ARNT2: variants seen among roughly 807,000 people sequenced by gnomAD.
ARNT2 encodes aryl hydrocarbon receptor nuclear translocator 2.
ARNT2 carries 36 observed loss-of-function variants against 91.7 expected under a neutral mutation model. The ratio of observed to expected loss-of-function variants is 0.39; its 90% CI spans 0.30 to 0.52. The LOEUF (loss-of-function observed/expected upper bound fraction) is 0.52, where lower values mean the gene tolerates loss of function less well. Among genes scored for constraint, ARNT2 ranks in the 20% least tolerant of loss-of-function variants. The pLI is 0.72. For synonymous variants in ARNT2, 365 were observed against 347.1 expected (o/e 1.05, Z -0.57); for missense variants, 775 against 939.3 (o/e 0.83, Z 2.29).
intron 1 of ARNT2, among the ~76,000 whole-genome samples, chr15:80,415,081 C>G (rs1895759033): frequency 6.6e-6 from 1 of 152,198 alleles, no homozygotes; most frequent in African/African-American, 2.4e-5. Flanking sequence ...GAAGACTGTT[C>G]CGGTATTCAA....
chr15:80,533,522 G>A (rs937967763), intron 8 of ARNT2, among the ~76,000 whole-genome samples: 4 of 152,204 alleles, frequency 2.6e-5, no homozygotes, highest in African/African-American at 9.7e-5. Flanking sequence ...CAGATGGACT[G>A]CAACATGGCC....
intron 5 of ARNT2, among the ~76,000 whole-genome samples, chr15:80,487,014 A>AGCTACCCTAG (rs1896986312): frequency 6.6e-6 from 1 of 152,146 alleles, no homozygotes; most frequent in South Asian, 2.1e-4. Flanking sequence ...AGTAGGCTGA[A>AGCTACCCTAG]GCTACCCTAG....
intron 1 of ARNT2, among the ~76,000 whole-genome samples, chr15:80,427,608 A>G (rs988629308): frequency 6.6e-6 from 1 of 152,190 alleles, no homozygotes; most frequent in African/African-American, 2.4e-5. Context: ...ATCTCTAGGT[A>G]CACCTATGCC....
At chr15:80,534,951 C>T (rs1049071874) in intron 8 of ARNT2, among the ~76,000 whole-genome samples, 10 of 152,150 alleles carry the variant, frequency 6.6e-5, no homozygotes, top group African/African-American at 2.2e-4. Context: ...ACAGGAGAGA[C>T]AAGATTTAGT....
chr15:80,458,255 T>C (rs1896506645), intron 3 of ARNT2, among the ~76,000 whole-genome samples: 1 of 152,122 alleles, frequency 6.6e-6, no homozygotes, highest in Non-Finnish European at 1.5e-5. Flanking sequence ...AAAAAGACAA[T>C]AGGGCTTTTT....
intron 1 of ARNT2, among the ~76,000 whole-genome samples, chr15:80,407,905 G>C (rs573061709): frequency 6.6e-6 from 1 of 152,308 alleles, no homozygotes; most frequent in Non-Finnish European, 1.5e-5. Context: ...TTAAGCATGA[G>C]GGAATCAGCT....
chr15:80,439,157 T>C (rs1213357114), intron 1 of ARNT2, among the ~76,000 whole-genome samples: 2 of 152,178 alleles, frequency 1.3e-5, no homozygotes, highest in Non-Finnish European at 2.9e-5. Context: ...AAATACATCA[T>C]ACATACAAGG....
intron 8 of ARNT2, among the ~76,000 whole-genome samples, chr15:80,532,842 G>A (rs1469804207): frequency 1.3e-5 from 2 of 152,220 alleles, no homozygotes; most frequent in Non-Finnish European, 1.5e-5. Context: ...GTTGACCAGT[G>A]GGAGACCTTT....
At chr15:80,513,667 G>C (rs1897378484) in intron 6 of ARNT2, among the ~76,000 whole-genome samples, 1 of 130,380 alleles carries the variant, frequency 7.7e-6, no homozygotes, top group African/African-American at 3.0e-5. Context: ...ACTGGGCCCT[G>C]AAACAATTTC....
chr15:80,473,120 A>C (rs889853481), intron 4 of ARNT2, among the ~76,000 whole-genome samples: 12 of 152,210 alleles, frequency 7.9e-5, no homozygotes, highest in Non-Finnish European at 2.9e-5. Context: ...GCAAGAGCTC[A>C]CTGAAAAACA....
intron 5 of ARNT2, among the ~76,000 whole-genome samples, chr15:80,480,312 C>T (rs1896866524): frequency 6.6e-6 from 1 of 152,108 alleles, no homozygotes; most frequent in Non-Finnish European, 1.5e-5. Context: ...GTTCAGAGAG[C>T]AAGCAGGGAG....
At chr15:80,442,776 A>G (rs1397135359) in intron 1 of ARNT2, 1 of 913,400 alleles carries the variant, frequency 1.1e-6, no homozygotes, top group Admixed American at 6.2e-5. Context: ...GTAGTTGTAA[A>G]TATGCAACTG....
At chr15:80,441,708 G>T (rs1020099715) in intron 1 of ARNT2, among the ~76,000 whole-genome samples, 1 of 152,036 alleles carries the variant, frequency 6.6e-6, no homozygotes, top group Non-Finnish European at 1.5e-5. Flanking sequence ...CAAGTTCCAC[G>T]TTTTTTCCAG....
intron 1 of ARNT2, among the ~76,000 whole-genome samples, chr15:80,446,523 C>T (rs1385501463): frequency 6.6e-6 from 1 of 152,190 alleles, no homozygotes; most frequent in Non-Finnish European, 1.5e-5. Context: ...GAAGGATCTG[C>T]CTAGCCACCT....
Position 80,577,117 on chromosome 15 carries a change from G to C in ARNT2, c.1613+152G>C, listed in dbSNP as rs181713835. ...CTAAACTGAGGATTCTGGTGGCTCT[G>C]CTTCTGCTCTGTGAGCCCTCTATGA... On this transcript the variant is annotated intron_variant, in intron 15 of 18. Transcript: ENST00000303329. 30 of 719,616 alleles carry C rather than the reference G, an allele frequency of 4.2e-5. No individual in the cohort carries two copies. In the Admixed American group the frequency reaches 7.7e-4, roughly 18 times the overall value. The allele number at this position is 719,616 out of a possible 1,614,324, so 44.6% of individuals were successfully genotyped here. A position where few individuals can be genotyped will look rare whatever the true frequency, so the allele number is the denominator to read the frequency against.
chr15:80,431,796 G>C (rs1167675576), intron 1 of ARNT2, among the ~76,000 whole-genome samples: 1 of 152,162 alleles, frequency 6.6e-6, no homozygotes, highest in Non-Finnish European at 1.5e-5. Flanking sequence ...GCTGAGGGTG[G>C]GCTTTGTTCC....
At chr15:80,590,145 T>C (rs919563327) in intron 17 of ARNT2, among the ~76,000 whole-genome samples, 1 of 152,144 alleles carries the variant, frequency 6.6e-6, no homozygotes, top group African/African-American at 2.4e-5. Flanking sequence ...GTGCCCAGGC[T>C]GGGGGTTGGG....
intron 12 of ARNT2, among the ~76,000 whole-genome samples, chr15:80,565,190 G>T (rs571938357): frequency 6.6e-6 from 1 of 152,262 alleles, no homozygotes; most frequent in Admixed American, 6.5e-5. Flanking sequence ...TTCCCAAAGT[G>T]CTGGGATTAC....
chr15:80,565,742 T>C (rs942397649), intron 12 of ARNT2, among the ~76,000 whole-genome samples: 4 of 152,176 alleles, frequency 2.6e-5, no homozygotes, highest in South Asian at 2.1e-4. Flanking sequence ...TTTTTTCTCA[T>C]TGATTTGTTT....
Sources: allele counts gnomAD v4.1 joint callset (sites outside exome capture counted in the v4.1 genomes callset), GRCh38; gene constraint gnomAD v4.1.1; transcripts MANE v1.5; gene names NCBI Gene and HGNC (gene_info 2026-07-23, HGNC 2026-07-21).